Variants in TRIM37 observed in about 807,000 individuals in gnomAD.
The protein encoded by TRIM37 is E3 ubiquitin-protein ligase TRIM37.
TRIM37 carries 80 observed loss-of-function variants against 129.8 expected under a neutral mutation model. The ratio of observed to expected loss-of-function variants is 0.62; its 90% CI spans 0.51 to 0.74. The LOEUF is 0.74. Among genes scored for constraint, TRIM37 ranks in the 30% least tolerant of loss-of-function variants. The pLI is 0.00. For missense variants in TRIM37, 1,054 were observed against 1,176.5 expected, an observed-to-expected ratio of 0.90 and a Z score of 1.52; for synonymous variants, 389 against 387.1, an observed-to-expected ratio of 1.00 and a Z score of -0.06.
intron 9 of TRIM37, among the ~76,000 whole-genome samples, chr17:59,064,762 T>C (rs749565961): frequency 2.6e-5 from 4 of 152,086 alleles, no homozygotes; most frequent in Non-Finnish European, 5.9e-5. Context: ...TACACAAAAA[T>C]TACCCAGATG....
chr17:59,103,708 C>T (rs1186938487), intron 2 of TRIM37, among the ~76,000 whole-genome samples: 4 of 148,612 alleles, frequency 2.7e-5, no homozygotes, highest in East Asian at 4.0e-4. Flanking sequence ...AGTGCAGTGG[C>T]GCTCTCTCGG....
intron 3 of TRIM37, among the ~76,000 whole-genome samples, chr17:59,090,599 T>G (rs1014751205): frequency 8.6e-5 from 13 of 152,012 alleles, no homozygotes; most frequent in Admixed American, 8.5e-4. Context: ...TTTTTGTTTG[T>G]TTTTTGTTTT....
chr17:59,088,726 C>G (rs1207944020), intron 3 of TRIM37, among the ~76,000 whole-genome samples: 1 of 151,826 alleles, frequency 6.6e-6, no homozygotes, highest in Admixed American at 6.6e-5. Flanking sequence ...CTATATTTCC[C>G]AGGCTGGTCT....
intron 13 of TRIM37, among the ~76,000 whole-genome samples, chr17:59,052,450 T>C (rs903450527): frequency 3.3e-5 from 5 of 152,188 alleles, no homozygotes; most frequent in African/African-American, 9.6e-5. Context: ...TTACACCTTA[T>C]TGTAAGAACC....
intron 18 of TRIM37, among the ~76,000 whole-genome samples, chr17:59,030,811 G>T (rs1359326695): frequency 6.6e-6 from 1 of 152,072 alleles, no homozygotes. Flanking sequence ...AAGTTTAAAG[G>T]ATATAGATAT....
chr17:58,994,874 T>C (rs8081297), downstream of TRIM37, among the ~76,000 whole-genome samples: 99,216 of 151,402 alleles, frequency 0.66, 33,098 homozygotes, highest in African/African-American at 0.77. Context: ...CTCAGCCTCC[T>C]GAGTAGCTGG....
At chr17:59,036,260 C>T (rs184168857) in intron 17 of TRIM37, among the ~76,000 whole-genome samples, 3 of 151,988 alleles carry the variant, frequency 2.0e-5, no homozygotes, top group South Asian at 2.1e-4. Flanking sequence ...ATTAGTTGGG[C>T]GTGGTAGCAT....
At chr17:59,103,804 T>C (rs192127753) in intron 2 of TRIM37, among the ~76,000 whole-genome samples, 1 of 151,872 alleles carries the variant, frequency 6.6e-6, no homozygotes, top group Non-Finnish European at 1.5e-5. Flanking sequence ...CATGCCACCA[T>C]GCCCAGCTAA....
At chr17:59,029,379 G>A (rs1435079522) in intron 18 of TRIM37, among the ~76,000 whole-genome samples, 2 of 152,064 alleles carry the variant, frequency 1.3e-5, no homozygotes, top group Non-Finnish European at 2.9e-5. Flanking sequence ...AGCTCTCCAT[G>A]CCTAGTATGA....
At chr17:58,980,684 A>G, downstream of TRIM37, 1 of 1,614,208 alleles carries the variant, frequency 6.2e-7, no homozygotes, top group Non-Finnish European at 8.5e-7. This position sits in a 1 kb window ranked among gnomAD's most constrained non-coding sequence, Gnocchi z 4.7. Flanking sequence ...GCAGATATAC[A>G]GAATGCAGAG....
intron 19 of TRIM37, among the ~76,000 whole-genome samples, chr17:59,021,207 C>A (rs973377051): frequency 6.6e-6 from 1 of 152,122 alleles, no homozygotes; most frequent in Non-Finnish European, 1.5e-5. Context: ...GCCTGACCAA[C>A]AAGGTGAAAC....
At chr17:58,984,436 A>G (rs182006080) in intron 24 of TRIM37, 62 of 152,778 alleles carry the variant, frequency 4.1e-4, no homozygotes, top group African/African-American at 1.4e-3. Context: ...TTGTGGGAAA[A>G]TGATCTAAAT....
Position 59,028,552 on chromosome 17 carries a change from C to G in TRIM37, c.2120G>C (p.Gly707Ala). 2 of 1,614,214 alleles carry G rather than the reference C, an allele frequency of 1.2e-6. No homozygotes were observed. ...SEIKSSSAAS[G>A]DMQTSLFSAD... ...AGAAAAAAGGCTTGTCTGCATGTCT[C>G]CAGAAGCAGCACTGCTGCTTTTTAT... Residue 707 changes from glycine (G) to alanine (A), a missense_variant, in exon 19 of 24, where the codon GGA (glycine) becomes GCA (alanine). Coordinates refer to ENST00000262294, the MANE Select transcript of TRIM37 (RefSeq NM_015294.6).
chr17:59,089,890 A>AG (rs1282454815), intron 3 of TRIM37: 1 of 152,188 alleles, frequency 6.6e-6, no homozygotes, highest in Non-Finnish European at 1.5e-5. Flanking sequence ...CCTTGAGCCC[A>AG]GGAAGTCGAG....
At chr17:59,007,231 C>CCCCCCACA (rs2034642937) in intron 22 of TRIM37, among the ~76,000 whole-genome samples, 1 of 97,500 alleles carries the variant, frequency 1.0e-5, no homozygotes, top group Non-Finnish European at 2.0e-5. Flanking sequence ...CCCCACCCAC[C>CCCCCCACA]CACACACACA....
At chr17:59,076,124 G>A (rs1000845485) in intron 7 of TRIM37, among the ~76,000 whole-genome samples, 2 of 152,104 alleles carry the variant, frequency 1.3e-5, no homozygotes, top group African/African-American at 2.4e-5. Flanking sequence ...ATACAAAGTG[G>A]GCCAGATTTT....
chr17:58,986,003 A>C (rs904835063), intron 24 of TRIM37, among the ~76,000 whole-genome samples: 3 of 152,222 alleles, frequency 2.0e-5, no homozygotes, highest in African/African-American at 7.2e-5. Flanking sequence ...TATTACTTAG[A>C]TCAAAAGGAA....
In TRIM37 at chr17:59,028,815, T is replaced by C. The variant is rs2145524242; in HGVS notation, c.1949-92A>G. On this transcript the variant is annotated intron_variant, in intron 18 of 23. Transcript: ENST00000262294. ...ATATATGCAAATTTGATGTGTAAAA[T>C]AAGCTAGCGTGCTTTACGTGGTATC... The C allele has an allele frequency of 3.0e-6, 4 of 1,330,340 alleles. No individual in the cohort carries two copies. In the South Asian group the frequency reaches 3.6e-5, roughly 12 times the overall value. 82.4% of individuals were successfully genotyped at this position (1,330,340 alleles called of 1,614,324 possible).
At chr17:58,997,938 G>A (rs3826353), downstream of TRIM37, among the ~76,000 whole-genome samples, 97,294 of 151,982 alleles carry the variant, frequency 0.64, 31,601 homozygotes, top group African/African-American at 0.73. Flanking sequence ...AGTATATAAG[G>A]TGGCTTGGAA....
Sources: allele counts gnomAD v4.1 joint callset (sites outside exome capture counted in the v4.1 genomes callset), GRCh38; gene constraint gnomAD v4.1.1; non-coding constraint Gnocchi (gnomAD v3.1); transcripts MANE v1.5; gene names NCBI Gene and HGNC (gene_info 2026-07-23, HGNC 2026-07-21).